The following ADSS2 variants were observed in gnomAD, a reference collection of about 807,000 sequenced individuals.
ADSS2 encodes the protein adenylosuccinate synthase 2, also known as adenylosuccinate synthetase isozyme 2.
In ADSS2, 30 loss-of-function variants were observed where a neutral mutation model predicts 60.0. That is an observed-to-expected ratio of 0.50 (90% CI 0.37 to 0.68). The LOEUF (loss-of-function observed/expected upper bound fraction) is 0.68. ADSS2 is among the 30% of genes least tolerant of loss of function. ADSS2 has a pLI of 0.00. For missense variants in ADSS2, 373 were observed against 554.8 expected, an observed-to-expected ratio of 0.67 and a Z score of 3.29; for synonymous variants, 187 against 193.1, an observed-to-expected ratio of 0.97 and a Z score of 0.26.
intron 1 of ADSS2, among the ~76,000 whole-genome samples, chr1:244,445,319 C>G (rs1665357673): frequency 6.6e-6 from 1 of 152,174 alleles, no homozygotes; most frequent in East Asian, 1.9e-4. Flanking sequence ...ACATCTTGTA[C>G]TAGTGAAACT....
chr1:244,432,660 C>CTTTTTTTTTTTTTTTTTTTTTTTTTTTTT (rs532312490), intron 3 of ADSS2, 65 bp from the exon 4 acceptor site: 1 of 338,404 alleles, frequency 3.0e-6, no homozygotes, highest in Non-Finnish European at 4.7e-6. Flanking sequence ...ATCTTAATTT[C>CTTTTTTTTTTTTTTTTTTTTTTTTTTTTT]TTTTTTTTTT....
intron 2 of ADSS2, among the ~76,000 whole-genome samples, chr1:244,437,282 G>A (rs375137911): frequency 5.3e-5 from 8 of 152,060 alleles, no homozygotes; most frequent in African/African-American, 1.9e-4. Flanking sequence ...GAAAAGATCA[G>A]ATTGCATCAT....
rs773980113 is a variant in ADSS2 at position 244,451,006 on chromosome 1, CA to C, written c.183+628del. Reference sequence around the variant, plus strand: ...ATGGAGCACACTGTAAAAACAAAAACAAAAACAAGAAACTCAGGGCCCTAAA... The same window carrying C: ...ATGGAGCACACTGTAAAAACAAAAACAAAACAAGAAACTCAGGGCCCTAAA... On this transcript the variant is annotated intron_variant, in intron 1 of 12. Coordinates refer to ENST00000366535, the MANE Select transcript of ADSS2 (RefSeq NM_001126.5). The surrounding 1 kb of genome is among the most constrained non-coding windows in gnomAD (Gnocchi z 6.6). Among the ~76,000 whole-genome samples, 5 of 152,102 alleles carry C rather than the reference CA, an allele frequency of 3.3e-5. No individual in the cohort carries two copies. Among genetic ancestry groups the C allele is most frequent in the Non-Finnish European group, 7.4e-5 (5 of 68,006 alleles).
intron 9 of ADSS2, 83 bp downstream of exon 9, chr1:244,418,677 G>C: frequency 7.3e-7 from 1 of 1,362,104 alleles, no homozygotes; most frequent in Non-Finnish European, 9.9e-7. Flanking sequence ...TAAGTGAAAG[G>C]CACAGGAGAC....
chr1:244,450,709 C>T (rs891101534), intron 1 of ADSS2, among the ~76,000 whole-genome samples: 9 of 152,188 alleles, frequency 5.9e-5, no homozygotes, highest in South Asian at 2.1e-4. Context: ...ATCTGAGAGC[C>T]TTTACAAAGG....
intron 1 of ADSS2, among the ~76,000 whole-genome samples, chr1:244,448,518 C>T (rs1310524344): frequency 6.6e-6 from 1 of 152,134 alleles, no homozygotes; most frequent in Non-Finnish European, 1.5e-5. Context: ...CTAGCCTTTC[C>T]CGATCACAGG....
At chr1:244,414,928 T>G (rs986775108) in intron 11 of ADSS2, among the ~76,000 whole-genome samples, 4 of 152,234 alleles carry the variant, frequency 2.6e-5, no homozygotes, top group African/African-American at 9.6e-5. Context: ...TTGGCTGCAC[T>G]GTATTTCAAC....
chr1:244,437,877 G>A (rs986013072), intron 1 of ADSS2, 109 bp from the exon 2 acceptor site: 2 of 820,198 alleles, frequency 2.4e-6, no homozygotes, highest in African/African-American at 1.7e-5. Flanking sequence ...ACTTAAGAGA[G>A]CCCAAATATT....
Position 244,424,304 on chromosome 1 carries a change from C to A in ADSS2, c.473+17G>T, listed in dbSNP as rs752311188. 1.2e-6 allele frequency: 2 copies of A among 1,611,194 alleles called. No homozygotes were observed. Among genetic ancestry groups the A allele is most frequent in the South Asian group, 1.1e-5 (1 of 90,792 alleles). On this transcript the variant is annotated intron_variant, in intron 5 of 12. Transcript: ENST00000366535. ...ATATGCTTAAACTGTACCAAAAAAA[C>A]AAAAACCCACACATACTTTTTTCCT...
At chr1:244,413,904 T>C (rs1664472321) in intron 11 of ADSS2, among the ~76,000 whole-genome samples, 1 of 152,032 alleles carries the variant, frequency 6.6e-6, no homozygotes, top group Non-Finnish European at 1.5e-5. Flanking sequence ...TCTTTAAGAA[T>C]AAAAGCCACG....
chr1:244,435,633 ACCTCCATCCTTCTCTTCCT>A (rs1239851486), intron 3 of ADSS2, among the ~76,000 whole-genome samples: 2 of 130,412 alleles, frequency 1.5e-5, no homozygotes, highest in African/African-American at 3.1e-5. Flanking sequence ...CTCCTCCTCT[ACCTCCATCCTTCTCTTCCT>A]CCTCCATCCT....
rs1664339973 is a variant in ADSS2, at chr1:244,408,694, G to T, written c.*892C>A. The T allele has an allele frequency of 6.6e-6, 1 of 152,140 alleles. No individual in the cohort carries two copies. The highest frequency in any genetic ancestry group is 1.5e-5 in the Non-Finnish European group (1 of 67,954). The allele number at this position is 152,140 out of a possible 1,614,324, so 9.4% of individuals were successfully genotyped here. A position where few individuals can be genotyped will look rare whatever the true frequency, so the allele number is the denominator to read the frequency against. On this transcript the variant is annotated 3_prime_UTR_variant, in exon 13 of 13. Coordinates refer to ENST00000366535, the MANE Select transcript of ADSS2 (RefSeq NM_001126.5). ...ATCAAAATTATGGCTAACAACGTGG[G>T]TTCATTTTGACACTTACAGATGATT...
At chr1:244,440,049 C>G (rs924457435) in intron 1 of ADSS2, among the ~76,000 whole-genome samples, 2 of 152,170 alleles carry the variant, frequency 1.3e-5, no homozygotes, top group Non-Finnish European at 2.9e-5. Flanking sequence ...ATCAGCAATT[C>G]AAGATTGTCT....
At chr1:244,440,770 T>C (rs780623543) in intron 1 of ADSS2, among the ~76,000 whole-genome samples, 2 of 152,222 alleles carry the variant, frequency 1.3e-5, no homozygotes, top group African/African-American at 2.4e-5. Context: ...GCAAACTATA[T>C]ACATGTGGGC....
At chr1:244,414,004 C>T (rs770063580) in intron 11 of ADSS2, among the ~76,000 whole-genome samples, 3 of 152,086 alleles carry the variant, frequency 2.0e-5, no homozygotes, top group Non-Finnish European at 4.4e-5. Context: ...CTGACTCATA[C>T]CAGCTTAAAG....
intron 1 of ADSS2, among the ~76,000 whole-genome samples, chr1:244,447,879 A>G (rs1450753941): frequency 6.6e-6 from 1 of 152,216 alleles, no homozygotes; most frequent in Admixed American, 6.5e-5. Flanking sequence ...ACATTGGTTG[A>G]GTATTTCCCT....
At chr1:244,410,942 T>C (rs564571622) in intron 12 of ADSS2, among the ~76,000 whole-genome samples, 7 of 152,282 alleles carry the variant, frequency 4.6e-5, no homozygotes, top group South Asian at 2.1e-4. Context: ...GAAAAGACAG[T>C]TGGCCGGGCA....
At position 244,422,885 on chromosome 1, in the gene ADSS2, T is replaced by G; in HGVS notation, c.613A>C (p.Ile205Leu). 1 of 1,597,636 alleles carries G rather than the reference T, an allele frequency of 6.3e-7. No individual in the cohort carries two copies. The highest frequency in any genetic ancestry group is 1.7e-4 in the Middle Eastern group (1 of 6,028). Residue 205 changes from isoleucine to leucine, a missense_variant, in exon 7 of 13, where the codon ATA becomes CTA. Transcript: ENST00000366535. ...FKVLANQYKS[I>L]YPTLEIDIEG... ...ATGTCTATTTCCAAAGTGGGGTATA[T>G]AGATTTGTATTGGTTAGCTAGAACT...
intron 1 of ADSS2, among the ~76,000 whole-genome samples, chr1:244,442,942 C>T (rs1165634959): frequency 6.6e-6 from 1 of 152,074 alleles, no homozygotes; most frequent in Non-Finnish European, 1.5e-5. Flanking sequence ...AATATGAGCA[C>T]CATAACCAAA....
Sources: allele counts gnomAD v4.1 joint callset (sites outside exome capture counted in the v4.1 genomes callset), GRCh38; gene constraint gnomAD v4.1.1; non-coding constraint Gnocchi (gnomAD v3.1); transcripts MANE v1.5; gene names NCBI Gene and HGNC (gene_info 2026-07-23, HGNC 2026-07-21).